The following CXXC1 variants were observed in gnomAD, a reference collection of about 807,000 sequenced individuals.
The protein encoded by CXXC1 is CXXC-type zinc finger protein 1.
CXXC1 carries 21 observed loss-of-function variants against 83.6 expected under a neutral mutation model. The ratio of observed to expected loss-of-function variants is 0.25; its 90% CI spans 0.18 to 0.36. The LOEUF (loss-of-function observed/expected upper bound fraction) is 0.36. Ranked by LOEUF, CXXC1 falls within the 10% of genes least tolerant of loss-of-function variation. The pLI is 1.00. For missense variants in CXXC1, 688 were observed against 919.5 expected (o/e 0.75, Z 3.26); for synonymous variants, 371 against 337.5 (o/e 1.10, Z -1.09).
chr18:50,287,323 T>C (rs1160846180), intron 1 of CXXC1: 2 of 556,226 alleles, frequency 3.6e-6, no homozygotes, highest in African/African-American at 3.8e-5. Flanking sequence ...ACAACCCGCT[T>C]ATCCCTCTGC....
rs183088108 is a variant in CXXC1, at chr18:50,283,441, C to G, written c.1574+74G>C. The G allele has an allele frequency of 7.5e-6, 12 of 1,606,266 alleles. No homozygotes were observed. In the African/African-American group the frequency reaches 1.1e-4, roughly 14 times the overall value. On this transcript the variant is annotated intron_variant, in intron 12 of 14. Coordinates refer to ENST00000285106, the MANE Select transcript of CXXC1 (RefSeq NM_014593.4). ...CCTGGCTGGTTGCCCGTATCCTGCCCCAGCTCCACACACATCCCACTTCTG... is the reference window on the plus strand; with the variant it reads ...CCTGGCTGGTTGCCCGTATCCTGCCGCAGCTCCACACACATCCCACTTCTG...
intron 8 of CXXC1, 43 bp from the exon 9 acceptor site, chr18:50,284,605 G>A (rs1272388984): frequency 6.3e-7 from 1 of 1,584,714 alleles, no homozygotes; most frequent in African/African-American, 1.3e-5. Flanking sequence ...GTCAAAGTCA[G>A]CCCCAGACCC....
At chr18:50,284,927 C>T in intron 7 of CXXC1, 75 bp downstream of exon 7, 1 of 1,612,352 alleles carries the variant, frequency 6.2e-7, no homozygotes, top group Non-Finnish European at 8.5e-7. Context: ...TCCATACCCT[C>T]TGTCTCCTCA....
intron 13 of CXXC1, 104 bp downstream of exon 13, chr18:50,283,161 G>A (rs1041897587): frequency 1.9e-5 from 25 of 1,302,876 alleles, no homozygotes; most frequent in African/African-American, 8.7e-5. Flanking sequence ...GGGAAGCTGA[G>A]AGGAAAAAGT....
chr18:50,286,744 T>C lies in CXXC1; in HGVS notation c.118A>G (p.Met40Val). ...GCCCATCTCTCCCGCGCTCACATCATGAAGCAGTTGATGTCCGGTTTGCGG... is the reference window on the plus strand; with the variant it reads ...GCCCATCTCTCCCGCGCTCACATCACGAAGCAGTTGATGTCCGGTTTGCGG... ...ICRKPDINCF[M>V]IGCDNCNEWF... The change falls in exon 2 of 15, where the codon ATG (methionine) becomes GTG (valine). Residue 40 changes from methionine to valine, a missense_variant. Met to Val is a conservative substitution (Grantham distance 21, BLOSUM62 1). Transcript: ENST00000285106. 1 of 1,612,852 alleles carries C rather than the reference T, an allele frequency of 6.2e-7. No individual in the cohort carries two copies.
Position 50,286,119 on chromosome 18 carries a change from C to G in CXXC1, c.362G>C (p.Arg121Pro). The change falls in exon 4 of 15, where the codon CGG becomes CCG. Residue 121 changes from arginine (R) to proline (P), a missense_variant. Transcript: ENST00000285106. ...CCCAACCCCTGTCCCTGACCCTGCC[C>G]GGCGCTGCAGGTCTGGATCAGGGAC... is the stretch of plus-strand genomic sequence containing the variant. ...RPVPDPDLQR[R>P]AGSGTGVGAM... 1.9e-6 allele frequency: 3 copies of G among 1,613,978 alleles called. No homozygotes were observed. Among genetic ancestry groups the G allele is most frequent in the South Asian group, 1.1e-5 (1 of 91,080 alleles).
rs780057096 is a variant in CXXC1, at chr18:50,283,937, A to T, written c.1370T>A (p.Ile457Asn). The T allele has an allele frequency of 6.2e-7, 1 of 1,614,100 alleles. No homozygotes were observed. Among genetic ancestry groups the T allele is most frequent in the South Asian group, 1.1e-5 (1 of 91,084 alleles). ...AGCCTGCTGCTTGGCACGTAGAATG[A>T]TGGCCTCAAGCTCATGGAATCGGCG... ...MERRFHELEA[I>N]ILRAKQQAVR... is the part of the protein sequence containing the mutation. Residue 457 changes from isoleucine to asparagine, a missense_variant, in exon 10 of 15, where the codon ATC becomes AAC. By Grantham distance (149) the Ile-to-Asn change is moderately radical (BLOSUM62 -3). Around this residue, in one of 9 missense-constraint regions of CXXC1, gnomAD observed 100 missense variants for 142.5 expected, o/e 0.70. Transcript: ENST00000285106.
At position 50,283,501 on chromosome 18, in the gene CXXC1, G is replaced by A. The variant is rs12458654; in HGVS notation, c.1574+14C>T. On this transcript the variant is annotated intron_variant, in intron 12 of 14. Coordinates refer to ENST00000285106, the MANE Select transcript of CXXC1 (RefSeq NM_014593.4). ...TTAACCCCCCACCTCTCACTGCGTG[G>A]CACCCTCACTTACCCTTCAATGCGT... 2.5e-6 allele frequency: 4 copies of A among 1,612,178 alleles called. No homozygotes were observed. In the African/African-American group the frequency reaches 4.0e-5, roughly 16 times the overall value.
Position 50,286,762 on chromosome 18 carries a change from G to C in CXXC1, c.100C>G (p.Pro34Ala). Residue 34 changes from proline to alanine, a missense_variant, in exon 2 of 15, where the codon CCG becomes GCG. This residue lies in a region of CXXC1 where 51 missense variants were observed against 48.0 expected (regional missense o/e 1.06). Coordinates refer to ENST00000285106, the MANE Select transcript of CXXC1 (RefSeq NM_014593.4). ...CACATCATGAAGCAGTTGATGTCCG[G>C]TTTGCGGCAGATGCAGTAGATGGGC... ...NAPIYCICRK[P>A]DINCFMIGCD... 1 of 1,613,984 alleles carries C rather than the reference G, an allele frequency of 6.2e-7. No homozygotes were observed. The highest frequency in any genetic ancestry group is 1.1e-5 in the South Asian group (1 of 91,072).
intron 3 of CXXC1, 98 bp from the exon 4 acceptor site, chr18:50,286,355 C>T (rs2040714619): frequency 1.7e-6 from 2 of 1,208,870 alleles, no homozygotes; most frequent in Admixed American, 2.0e-5. Context: ...CTGACCCACC[C>T]ACCTACTCTG....
chr18:50,286,693 C>T lies in CXXC1; in HGVS notation c.122+47G>A, dbSNP rs767387702. On this transcript the variant is annotated intron_variant, in intron 2 of 14. Coordinates refer to ENST00000285106, the MANE Select transcript of CXXC1 (RefSeq NM_014593.4). ...TGTGAGGGGCGCGGCCCATCGGCCTCACCCCACCCTGCCAGTGTCAGCCCC... is the reference window on the plus strand; with the variant it reads ...TGTGAGGGGCGCGGCCCATCGGCCTTACCCCACCCTGCCAGTGTCAGCCCC... 5 of 1,609,886 alleles carry T rather than the reference C, an allele frequency of 3.1e-6. No homozygotes were observed. In the South Asian group the frequency reaches 3.3e-5, roughly 11 times the overall value.
At chr18:50,283,108 G>C in intron 13 of CXXC1, 102 bp from the exon 14 acceptor site, 1 of 1,393,966 alleles carries the variant, frequency 7.2e-7, no homozygotes, top group Non-Finnish European at 1.0e-6. Flanking sequence ...TTCAGGGAAC[G>C]GTGAGGAGGC....
intron 1 of CXXC1, 195 bp downstream of exon 1, chr18:50,287,392 T>TTC: frequency 1.6e-6 from 1 of 630,694 alleles, no homozygotes; most frequent in Non-Finnish European, 2.7e-6. Flanking sequence ...CCCACTAAAC[T>TTC]TCTATTAAGG....
chr18:50,284,578 A>C lies in CXXC1; in HGVS notation c.1021-16T>G. On this transcript the variant is annotated splice_polypyrimidine_tract_variant and intron_variant, in intron 8 of 14. Coordinates refer to ENST00000285106, the MANE Select transcript of CXXC1 (RefSeq NM_014593.4). ...GCTCCTCCTTCTGTTGAGCAAGACAAGTCAGGTCAGGGTGGAGTCAAAGTC... is the reference window on the plus strand; with the variant it reads ...GCTCCTCCTTCTGTTGAGCAAGACACGTCAGGTCAGGGTGGAGTCAAAGTC... 6.3e-7 allele frequency: 1 copy of C among 1,581,942 alleles called. No homozygotes were observed. Among genetic ancestry groups the C allele is most frequent in the South Asian group, 1.2e-5 (1 of 85,454 alleles).
In CXXC1 at chr18:50,287,136, T is replaced by A. The variant is rs111801581; in HGVS notation, c.4-278A>T. The A allele has an allele frequency of 1.5e-5, 8 of 518,194 alleles. No homozygotes were observed. The African/African-American group carries it at 1.5e-4, about 10-fold the overall frequency. 32.1% of individuals were successfully genotyped at this position (518,194 alleles called of 1,614,324 possible). A position where few individuals can be genotyped will look rare whatever the true frequency, so the allele number is the denominator to read the frequency against. On this transcript the variant is annotated intron_variant, in intron 1 of 14. Transcript: ENST00000285106. ...CATGGCGACCCTCCATCGTGGCGCC[T>A]CACAGACCCCGCGTAACTCACTGCG...
In CXXC1 at chr18:50,282,903, C is replaced by A. The variant is rs11555887; in HGVS notation, c.1775G>T (p.Cys592Phe). 1 of 1,614,212 alleles carries A rather than the reference C, an allele frequency of 6.2e-7. No individual in the cohort carries two copies. The highest frequency in any genetic ancestry group is 1.1e-5 in the South Asian group (1 of 91,092). Reference sequence around the variant, plus strand: ...TTCCGCACGCCGCAGCTTCTCCCAGCAGTAATGGCGATTGCACTGGCGCTT... The same window carrying A: ...TTCCGCACGCCGCAGCTTCTCCCAGAAGTAATGGCGATTGCACTGGCGCTT... ...LPKRQCNRHY[C>F]WEKLRRAEVD... is the part of the protein sequence containing the mutation. Residue 592 changes from cysteine (C) to phenylalanine (F), a missense_variant, in exon 14 of 15, where the codon TGC becomes TTC. Physicochemically the swap from Cys to Phe is radical, Grantham distance 205. Around this residue, in one of 9 missense-constraint regions of CXXC1, gnomAD observed 114 missense variants for 173.3 expected, o/e 0.66. Transcript: ENST00000285106. The surrounding 1 kb of genome is among the most constrained non-coding windows in gnomAD (Gnocchi z 5.8).
rs376319763 is a variant in CXXC1 at position 50,283,562 on chromosome 18, A to G, written c.1527T>C (p.Tyr509=). Residue 509 remains tyrosine, a splice_region_variant and synonymous_variant, in exon 12 of 15, where the codon TAT becomes TAC. Coordinates refer to ENST00000285106, the MANE Select transcript of CXXC1 (RefSeq NM_014593.4). ...LRHMERCYAK[Y]ESQTSFGSMY... ...TGGACCCAAAGGACGTCTGGCTCTC[A>G]TACTGGAGGGATGAGCACAAATGGA... 8.2e-5 allele frequency: 132 copies of G among 1,613,718 alleles called. No homozygotes were observed. The highest frequency in any genetic ancestry group is 1.2e-4 in the Admixed American group (7 of 59,972).
intron 9 of CXXC1, 129 bp downstream of exon 9, chr18:50,284,249 G>A: frequency 1.4e-6 from 2 of 1,463,542 alleles, no homozygotes; most frequent in East Asian, 2.3e-5. Flanking sequence ...TGGGTAGGTG[G>A]ATGGGTGAGT....
In CXXC1 at chr18:50,285,935, G is replaced by GA. The variant is rs2040705354; in HGVS notation, c.460-8dup. The GA allele has an allele frequency of 6.2e-7, 1 of 1,613,988 alleles. No homozygotes were observed. The highest frequency in any genetic ancestry group is 8.5e-7 in the Non-Finnish European group (1 of 1,180,022). On this transcript the variant is annotated splice_polypyrimidine_tract_variant and splice_region_variant and intron_variant, in intron 4 of 14. Transcript: ENST00000285106. This position sits in a 1 kb window ranked among gnomAD's most constrained non-coding sequence, Gnocchi z 4.4. ...GCTGCTGCTGCTGGTGATGCTGCAG[G>GA]AGGGGGCCCAGAACAGAAATCATGG...
Sources: gnomAD v4.1 joint callset for allele counts on GRCh38, gnomAD v4.1.1 for gene constraint, gnomAD v4.1.1 regional missense constraint, Gnocchi (gnomAD v3.1) non-coding constraint, MANE v1.5 for transcripts, NCBI Gene and HGNC (gene_info 2026-07-23, HGNC 2026-07-21) for gene names.